Variants in RBPMS observed in about 807,000 individuals in gnomAD.
The protein encoded by RBPMS is RNA-binding protein with multiple splicing.
RBPMS carries 7 observed loss-of-function variants against 26.8 expected under a neutral mutation model. The observed-to-expected ratio is 0.26, with a 90% confidence interval of 0.15 to 0.49. The LOEUF is 0.49. Ranked by LOEUF, RBPMS falls within the 20% of genes least tolerant of loss-of-function variation. RBPMS has a pLI of 0.98. For synonymous variants in RBPMS, 96 were observed against 93.3 expected, an observed-to-expected ratio of 1.03 and a Z score of -0.17; for missense variants, 186 against 250.0, an observed-to-expected ratio of 0.74 and a Z score of 1.73.
chr8:30,483,073 A>G (rs1818443509), intron 4 of RBPMS, among the ~76,000 whole-genome samples: 1 of 152,164 alleles, frequency 6.6e-6, no homozygotes, highest in African/African-American at 2.4e-5. Flanking sequence ...GAGGACCTCA[A>G]ATTGTCATTA....
intron 1 of RBPMS, among the ~76,000 whole-genome samples, chr8:30,431,331 T>C (rs1194047072): frequency 6.9e-6 from 1 of 143,976 alleles, no homozygotes; most frequent in East Asian, 2.1e-4. Flanking sequence ...TTCTTTCTCC[T>C]TTCTTTCTTT....
chr8:30,386,812 A>G (rs1246332809), intron 1 of RBPMS, among the ~76,000 whole-genome samples: 1 of 152,212 alleles, frequency 6.6e-6, no homozygotes, highest in Non-Finnish European at 1.5e-5. Context: ...CAGGGTTAGA[A>G]TATTATATGA....
chr8:30,439,612 T>C (rs1483924237), intron 1 of RBPMS, among the ~76,000 whole-genome samples: 1 of 152,124 alleles, frequency 6.6e-6, no homozygotes, highest in East Asian at 1.9e-4. Context: ...CCCCTCTTGC[T>C]TCCCTCTTGC....
At chr8:30,560,800 G>A (rs1416680944) in intron 7 of RBPMS, among the ~76,000 whole-genome samples, 1 of 152,050 alleles carries the variant, frequency 6.6e-6, no homozygotes, top group Non-Finnish European at 1.5e-5. Flanking sequence ...TTTTTTCACA[G>A]AATCTTAGGA....
Position 30,422,216 on chromosome 8 carries a change from A to G in RBPMS, c.66+37058A>G, listed in dbSNP as rs1259189855. ...TCTTGGCTTCCACCTCCTGGGTTCA[A>G]GTGATTCTCCTGTCTCAGCCTCCTG... On this transcript the variant is annotated intron_variant, in intron 1 of 8. Transcript: ENST00000397323. Among the ~76,000 whole-genome samples, 6 of 151,372 alleles carry G rather than the reference A, an allele frequency of 4.0e-5. No homozygotes were observed. In the East Asian group the frequency reaches 7.9e-4, roughly 20 times the overall value.
At chr8:30,459,880 G>A (rs917010655) in intron 1 of RBPMS, among the ~76,000 whole-genome samples, 3 of 152,018 alleles carry the variant, frequency 2.0e-5, no homozygotes, top group Admixed American at 6.6e-5. Flanking sequence ...CACAAACCTC[G>A]CCCTTTTTTT....
chr8:30,529,750 T>A (rs1005698382), intron 5 of RBPMS, among the ~76,000 whole-genome samples: 1 of 144,452 alleles, frequency 6.9e-6, no homozygotes, highest in African/African-American at 2.6e-5. Flanking sequence ...TAGAACTTCA[T>A]CCTTTTTTTT....
chr8:30,473,439 G>A (rs1209702357), intron 1 of RBPMS, among the ~76,000 whole-genome samples: 1 of 152,146 alleles, frequency 6.6e-6, no homozygotes, highest in Non-Finnish European at 1.5e-5. Context: ...TATGTGTCTT[G>A]AATGACTTTT....
intron 1 of RBPMS, among the ~76,000 whole-genome samples, chr8:30,429,034 T>C (rs1461911262): frequency 6.6e-6 from 1 of 152,174 alleles, no homozygotes; most frequent in Non-Finnish European, 1.5e-5. Flanking sequence ...AAAGATGTCA[T>C]TGAAGGAGCT....
At chr8:30,480,636 C>T (rs1219477854) in intron 4 of RBPMS, among the ~76,000 whole-genome samples, 1 of 152,156 alleles carries the variant, frequency 6.6e-6, no homozygotes, top group Admixed American at 6.5e-5. Flanking sequence ...CTGTTCCTCT[C>T]CTGTATAACA....
intron 1 of RBPMS, among the ~76,000 whole-genome samples, chr8:30,459,313 T>G (rs768062278): frequency 2.6e-5 from 4 of 151,802 alleles, no homozygotes; most frequent in Non-Finnish European, 2.9e-5. Flanking sequence ...TTTTAAATAA[T>G]GAGATCTCTG....
intron 4 of RBPMS, among the ~76,000 whole-genome samples, chr8:30,487,590 T>C (rs1265888611): frequency 6.6e-6 from 1 of 152,128 alleles, no homozygotes; most frequent in Non-Finnish European, 1.5e-5. Context: ...TGTTAAAAAA[T>C]TTTAATGAGA....
intron 6 of RBPMS, among the ~76,000 whole-genome samples, chr8:30,554,849 T>C (rs1826718362): frequency 6.6e-6 from 1 of 152,142 alleles, no homozygotes; most frequent in South Asian, 2.1e-4. Flanking sequence ...TTCGTGACTC[T>C]TTCTAAGGGC....
chr8:30,428,110 G>A (rs1174339865), intron 1 of RBPMS, among the ~76,000 whole-genome samples: 4 of 142,368 alleles, frequency 2.8e-5, no homozygotes, highest in African/African-American at 1.1e-4. Context: ...TGCAACCTCC[G>A]CTTCCTGGTT....
chr8:30,571,181 T>C lies in RBPMS; in HGVS notation c.*656T>C, dbSNP rs1828238381. 1 of 152,220 alleles carries C rather than the reference T, an allele frequency of 6.6e-6. No homozygotes were observed. Among genetic ancestry groups the C allele is most frequent in the African/African-American group, 2.4e-5 (1 of 41,456 alleles). 9.4% of individuals were successfully genotyped at this position (152,220 alleles called of 1,614,324 possible). Reference sequence around the variant, plus strand: ...GATCCCAGTTCTAGTAGGACAGCCCTGCAAGACAATCAACCAGAAGCCTCC... The same window carrying C: ...GATCCCAGTTCTAGTAGGACAGCCCCGCAAGACAATCAACCAGAAGCCTCC... On this transcript the variant is annotated 3_prime_UTR_variant, in exon 9 of 9. Coordinates refer to ENST00000397323, the MANE Select transcript of RBPMS (RefSeq NM_001008710.3).
At chr8:30,551,996 G>A (rs1400817204) in intron 6 of RBPMS, among the ~76,000 whole-genome samples, 1 of 152,192 alleles carries the variant, frequency 6.6e-6, no homozygotes, top group African/African-American at 2.4e-5. Context: ...ATTCGATCTG[G>A]TGTGGCCCAG....
rs530747357 is a variant in RBPMS, at chr8:30,571,848, C to G, written c.*1323C>G. 6.6e-6 allele frequency: 1 copy of G among 152,348 alleles called. No homozygotes were observed. The highest frequency in any genetic ancestry group is 2.4e-5 in the African/African-American group (1 of 41,574). The allele number at this position is 152,348 out of a possible 1,614,324, so 9.4% of individuals were successfully genotyped here. On this transcript the variant is annotated 3_prime_UTR_variant, in exon 9 of 9. Transcript: ENST00000397323. ...GCCATTTTTGTAAAACCACACTGAC[C>G]TAAATTCAGCTGCCAAACACAGTCT...
chr8:30,433,033 A>G (rs1812102018), intron 1 of RBPMS, among the ~76,000 whole-genome samples: 1 of 152,220 alleles, frequency 6.6e-6, no homozygotes, highest in South Asian at 2.1e-4. Flanking sequence ...TTGCCTAAGA[A>G]TAGACCCCTC....
At chr8:30,514,842 A>G (rs1822138545) in intron 5 of RBPMS, among the ~76,000 whole-genome samples, 1 of 151,818 alleles carries the variant, frequency 6.6e-6, no homozygotes, top group South Asian at 2.1e-4. Context: ...ATGAATTTTT[A>G]AATTGCCTAA....
Sources: allele counts gnomAD v4.1 joint callset (sites outside exome capture counted in the v4.1 genomes callset), GRCh38; gene constraint gnomAD v4.1.1; transcripts MANE v1.5; gene names NCBI Gene and HGNC (gene_info 2026-07-23, HGNC 2026-07-21).